PCSK2: variants seen among roughly 807,000 people sequenced by gnomAD.
PCSK2 encodes the protein proprotein convertase subtilisin/kexin type 2.
Under a neutral mutation model 69.7 loss-of-function variants are expected in PCSK2, and 14 were observed. The observed-to-expected ratio is 0.20, with a 90% CI of 0.13 to 0.31. The LOEUF (loss-of-function observed/expected upper bound fraction) is 0.31, where lower values mean the gene tolerates loss of function less well. PCSK2 is among the 10% of genes least tolerant of loss of function. The pLI is 1.00. For missense variants in PCSK2, 544 were observed against 842.5 expected (o/e 0.65, Z 4.39); for synonymous variants, 307 against 320.7 (o/e 0.96, Z 0.46).
intron 2 of PCSK2, among the ~76,000 whole-genome samples, chr20:17,333,932 T>TATATATATATATATATATATAG: frequency 7.4e-6 from 1 of 134,394 alleles, no homozygotes; most frequent in African/African-American, 2.6e-5. Context: ...TATATATATA[T>TATATATATATATATATATATAG]ATATGGCTTC....
chr20:17,442,073 C>G (rs1218031384), intron 8 of PCSK2, among the ~76,000 whole-genome samples: 1 of 147,910 alleles, frequency 6.8e-6, no homozygotes, highest in East Asian at 2.0e-4. Context: ...ACAGGGAGAA[C>G]AGCATGTGAA....
intron 1 of PCSK2, among the ~76,000 whole-genome samples, chr20:17,234,402 C>A (rs1019995945): frequency 2.0e-5 from 3 of 152,166 alleles, no homozygotes; most frequent in Non-Finnish European, 4.4e-5. Context: ...TGTCCATAAT[C>A]TCAGGTTGAA....
At chr20:17,239,221 T>C (rs140924144) in intron 1 of PCSK2, among the ~76,000 whole-genome samples, 1 of 152,240 alleles carries the variant, frequency 6.6e-6, no homozygotes, top group East Asian at 1.9e-4. Flanking sequence ...GAAGAAAAAA[T>C]ATCACTTTTA....
intron 2 of PCSK2, among the ~76,000 whole-genome samples, chr20:17,318,697 G>T (rs1410617206): frequency 6.6e-6 from 1 of 152,182 alleles, no homozygotes; most frequent in Non-Finnish European, 1.5e-5. Context: ...ATCACCATCT[G>T]CCAGGGACGC....
chr20:17,349,479 T>C (rs1018789075), intron 2 of PCSK2, among the ~76,000 whole-genome samples: 1 of 152,322 alleles, frequency 6.6e-6, no homozygotes, highest in Non-Finnish European at 1.5e-5. Context: ...TGCCCAGCTC[T>C]GTGAGCACAC....
chr20:17,266,010 C>T (rs1487913790), intron 2 of PCSK2, among the ~76,000 whole-genome samples: 1 of 152,134 alleles, frequency 6.6e-6, no homozygotes, highest in Non-Finnish European at 1.5e-5. Context: ...ATGAATCTGT[C>T]GTTCTTTAAA....
intron 5 of PCSK2, among the ~76,000 whole-genome samples, chr20:17,396,074 A>G (rs575796866): frequency 6.6e-6 from 1 of 152,356 alleles, no homozygotes; most frequent in South Asian, 2.1e-4. Flanking sequence ...TCTCTACAAC[A>G]TCAGAGAACA....
chr20:17,430,966 CCTCTT>C (rs1468467850), intron 7 of PCSK2, among the ~76,000 whole-genome samples: 1 of 152,008 alleles, frequency 6.6e-6, no homozygotes, highest in Non-Finnish European at 1.5e-5. Context: ...TTCCTTTTTT[CCTCTT>C]CTCTTATTAT....
chr20:17,303,476 TA>T (rs1298424536), intron 2 of PCSK2, among the ~76,000 whole-genome samples: 4 of 50,254 alleles, frequency 8.0e-5, no homozygotes, highest in African/African-American at 2.4e-4. Context: ...ATATATTATA[TA>T]TAATATATAT....
At chr20:17,332,001 C>T (rs1383997401) in intron 2 of PCSK2, among the ~76,000 whole-genome samples, 3 of 152,152 alleles carry the variant, frequency 2.0e-5, no homozygotes, top group African/African-American at 7.2e-5. Flanking sequence ...TTATAGTTCA[C>T]ACTTACAGAG....
intron 11 of PCSK2, chr20:17,479,386 C>T: frequency 1.5e-6 from 1 of 679,186 alleles, no homozygotes; most frequent in South Asian, 1.5e-5. Context: ...TGGGCTTCCT[C>T]AGCATTGAGG....
In PCSK2 at chr20:17,465,471, G is replaced by A; in HGVS notation, c.1348G>A (p.Gly450Ser). 1 of 1,614,084 alleles carries A rather than the reference G, an allele frequency of 6.2e-7. No homozygotes were observed. ...CTTTGGCTACGGGGTCCTTGATGCA[G>A]GTGCCATGGTGAAAATGGCTAAAGA... The part of the protein sequence containing the change: ...HLFGYGVLDA[G>S]AMVKMAKDWK... The change falls in exon 11 of 12, where the codon GGT (glycine) becomes AGT (serine). Residue 450 changes from glycine to serine, a missense_variant. Transcript: ENST00000262545.
chr20:17,402,452 C>T lies in PCSK2; in HGVS notation c.544-6811C>T, dbSNP rs368592272. Among the ~76,000 whole-genome samples, 12 of 149,438 alleles carry T rather than the reference C, an allele frequency of 8.0e-5. No homozygotes were observed. In the East Asian group the frequency reaches 1.0e-3, roughly 13 times the overall value. The stretch of plus-strand genomic sequence containing the variant: ...AGGCTGAGGCAGGCAGATCACTTGA[C>T]GTCTGGAGTTCGAGACCAGCCTGGC... On this transcript the variant is annotated intron_variant, in intron 5 of 11. Coordinates refer to ENST00000262545, the MANE Select transcript of PCSK2 (RefSeq NM_002594.5).
intron 2 of PCSK2, among the ~76,000 whole-genome samples, chr20:17,355,469 G>A (rs1188893637): frequency 6.6e-6 from 1 of 152,176 alleles, no homozygotes; most frequent in East Asian, 1.9e-4. Context: ...ACCAAAATGG[G>A]AAGAGGCAAT....
At chr20:17,419,530 A>G (rs1225433073) in intron 6 of PCSK2, among the ~76,000 whole-genome samples, 1 of 152,178 alleles carries the variant, frequency 6.6e-6, no homozygotes, top group African/African-American at 2.4e-5. Context: ...GATATAACTG[A>G]TTTGCTGAGA....
rs188454267 is a variant in PCSK2 at position 17,341,316 on chromosome 20, T to G, written c.283-17011T>G. On this transcript the variant is annotated intron_variant, in intron 2 of 11. Transcript: ENST00000262545. ...ACCCTTACTGCATATTTCTCTGACA[T>G]TCTGAACAAATAAGTGATTAAAAAA... Among the ~76,000 whole-genome samples, 720 of 152,304 alleles carry G rather than the reference T, an allele frequency of 4.7e-3. 3 individuals are homozygous for G. Among genetic ancestry groups the G allele is most frequent in the Non-Finnish European group, 7.4e-3 (500 of 68,010 alleles).
chr20:17,417,707 A>G (rs554827241), intron 6 of PCSK2, among the ~76,000 whole-genome samples: 1 of 152,188 alleles, frequency 6.6e-6, no homozygotes, highest in South Asian at 2.1e-4. Context: ...CGTCCCTTCC[A>G]TGAGTGTACG....
chr20:17,229,034 C>T (rs1032703729), intron 1 of PCSK2, among the ~76,000 whole-genome samples: 1 of 152,100 alleles, frequency 6.6e-6, no homozygotes, highest in Non-Finnish European at 1.5e-5. Flanking sequence ...TTCACTCCCC[C>T]CCACCCCAAA....
chr20:17,253,613 T>C (rs1223172242), intron 1 of PCSK2, among the ~76,000 whole-genome samples: 1 of 152,228 alleles, frequency 6.6e-6, no homozygotes, highest in Admixed American at 6.5e-5. Flanking sequence ...TATCAATTGA[T>C]AGCAATGTGG....
Sources: gnomAD v4.1 joint callset for allele counts (sites outside exome capture counted in the v4.1 genomes callset) on GRCh38, gnomAD v4.1.1 for gene constraint, MANE v1.5 for transcripts, NCBI Gene and HGNC (gene_info 2026-07-23, HGNC 2026-07-21) for gene names.